CTBS: variants seen among roughly 807,000 people sequenced by gnomAD.
CTBS encodes the protein di-N-acetylchitobiase.
In CTBS, 35 loss-of-function variants were observed where a neutral mutation model predicts 44.3. The observed-to-expected ratio is 0.79, with a 90% CI of 0.60 to 1.05. The LOEUF is 1.05. CTBS is among the 50% of genes least tolerant of loss of function. The probability of loss-of-function intolerance (pLI) is 0.00; values close to 1 mark genes in which losing one functional copy is unlikely to be tolerated. For synonymous variants in CTBS, 143 were observed against 168.0 expected (o/e 0.85, Z 1.15); for missense variants, 458 against 475.3 (o/e 0.96, Z 0.34).
At chr1:84,570,242 C>G (rs764630159) in intron 2 of CTBS, 103 bp from the exon 3 acceptor site, 1 of 879,184 alleles carries the variant, frequency 1.1e-6, no homozygotes. Context: ...AAAGAATATA[C>G]CAAAGTAACA....
Position 84,563,379 on chromosome 1 carries a change from C to T in CTBS, c.835G>A (p.Ala279Thr). 1 of 1,578,404 alleles carries T rather than the reference C, an allele frequency of 6.3e-7. No individual in the cohort carries two copies. The highest frequency in any genetic ancestry group is 8.6e-7 in the Non-Finnish European group (1 of 1,164,162). The stretch of plus-strand genomic sequence containing the variant: ...CGTCCTGCAGCGTCACTACAAGGAG[C>T]CCCCCGGAAAGGGACTTTTGCAATG... ...CTIAKVPFRG[A>T]PCSDAAGRQV... The change falls in exon 6 of 7, where the codon GCT becomes ACT. Residue 279 changes from alanine (A) to threonine (T), a missense_variant. Ala to Thr is a moderately conservative substitution (Grantham distance 58, BLOSUM62 0). Transcript: ENST00000370630.
intron 6 of CTBS, 33 bp downstream of exon 6, chr1:84,563,219 TAATAG>T: frequency 7.7e-7 from 1 of 1,305,650 alleles, no homozygotes; most frequent in Non-Finnish European, 1.0e-6. Flanking sequence ...TTACAAAAAC[TAATAG>T]AATAAATGCT....
In CTBS at chr1:84,565,940, C is replaced by T. The variant is rs761830536; in HGVS notation, c.598G>A (p.Ala200Thr). 6.2e-7 allele frequency: 1 copy of T among 1,601,496 alleles called. No homozygotes were observed. The highest frequency in any genetic ancestry group is 1.7e-5 in the Admixed American group (1 of 58,156). Reference sequence around the variant, plus strand: ...GACATCACAAAGAGGAAGTCACAAGCATCTGCGATTCCAGTATAATTATAG... The same window carrying T: ...GACATCACAAAGAGGAAGTCACAAGTATCTGCGATTCCAGTATAATTATAG... Reference protein sequence around the residue: ...RCYNYTGIADACDFLFVMSYD... With the variant: ...RCYNYTGIADTCDFLFVMSYD... Residue 200 changes from alanine to threonine, a missense_variant, in exon 4 of 7, where the codon GCT becomes ACT. Coordinates refer to ENST00000370630, the MANE Select transcript of CTBS (RefSeq NM_004388.3).
chr1:84,555,251 A>G, intron 6 of CTBS, 52 bp from the exon 7 acceptor site: 1 of 1,389,274 alleles, frequency 7.2e-7, no homozygotes, highest in Non-Finnish European at 9.9e-7. Context: ...ACAATTCAGC[A>G]CCACAGGAAA....
rs1202463614 is a variant in CTBS, at chr1:84,574,371, C to T, written c.45G>A (p.Pro15=). ...GCGCTAGACCCGGGACGCCGCTCGG[C>T]GGGCTAGAGACGAGGCGCCAGCGTC... ...QLRRWRLVSS[P]PSGVPGLALL... Residue 15 remains proline (P), a synonymous_variant, in exon 1 of 7, where the codon CCG becomes CCA. Transcript: ENST00000370630. 6.4e-7 allele frequency: 1 copy of T among 1,567,330 alleles called. No individual in the cohort carries two copies. The highest frequency in any genetic ancestry group is 8.6e-7 in the Non-Finnish European group (1 of 1,156,758).
At chr1:84,557,258 C>T (rs1445448690) in intron 6 of CTBS, among the ~76,000 whole-genome samples, 11 of 152,088 alleles carry the variant, frequency 7.2e-5, no homozygotes, top group Admixed American at 6.5e-4. Flanking sequence ...GGGGGCCAGG[C>T]GCGATGGCTT....
Position 84,551,862 on chromosome 1 carries a change from GC to G in CTBS, c.*3136del, listed in dbSNP as rs1684283321. ...GTAGGTAGGAAGGAGTAATAAAAAT[GC>G]CCCCAGAGGCTTGGATTATGACTCC... On this transcript the variant is annotated 3_prime_UTR_variant, in exon 7 of 7. Transcript: ENST00000370630. 1 of 152,088 alleles carries G rather than the reference GC, an allele frequency of 6.6e-6. No individual in the cohort carries two copies. Among genetic ancestry groups the G allele is most frequent in the African/African-American group, 2.4e-5 (1 of 41,432 alleles). 9.4% of individuals were successfully genotyped at this position (152,088 alleles called of 1,614,324 possible).
At chr1:84,564,015 A>C in intron 4 of CTBS, 183 bp from the exon 5 acceptor site, 1 of 296,454 alleles carries the variant, frequency 3.4e-6, no homozygotes, top group Non-Finnish European at 5.0e-6. Flanking sequence ...TGCTTTCTAA[A>C]CCATTTCTCT....
At chr1:84,567,673 C>T (rs1353199356) in intron 3 of CTBS, among the ~76,000 whole-genome samples, 1 of 152,170 alleles carries the variant, frequency 6.6e-6, no homozygotes, top group Non-Finnish European at 1.5e-5. Context: ...CTCATTCCCC[C>T]CTCTAGATTA....
Position 84,555,210 on chromosome 1 carries a change from A to G in CTBS, c.958-11T>C. On this transcript the variant is annotated splice_polypyrimidine_tract_variant and intron_variant, in intron 6 of 6. Coordinates refer to ENST00000370630, the MANE Select transcript of CTBS (RefSeq NM_004388.3). ...GTGGCCAGCAGGATCCTATATAAAT[A>G]AATTAAAATGGAGATTTTAAAGTAT... 3 of 1,589,192 alleles carry G rather than the reference A, an allele frequency of 1.9e-6. No individual in the cohort carries two copies. Among genetic ancestry groups the G allele is most frequent in the Non-Finnish European group, 2.6e-6 (3 of 1,162,882 alleles).
intron 6 of CTBS, 21 bp downstream of exon 6, chr1:84,563,236 A>G (rs1266222439): frequency 7.0e-7 from 1 of 1,423,432 alleles, no homozygotes; most frequent in Non-Finnish European, 9.3e-7. Context: ...ATAAATGCTC[A>G]TAACTTACGA....
In CTBS at chr1:84,550,639, G is replaced by T. The variant is rs1684242228; in HGVS notation, c.*4360C>A. On this transcript the variant is annotated 3_prime_UTR_variant, in exon 7 of 7. Transcript: ENST00000370630. The stretch of plus-strand genomic sequence containing the variant: ...AATATAAGGGTAGCCAGGATTGACT[G>T]TATTAAAATTGTTACCTTAACAGTA... 3 of 1,267,284 alleles carry T rather than the reference G, an allele frequency of 2.4e-6. No individual in the cohort carries two copies. Among genetic ancestry groups the T allele is most frequent in the Non-Finnish European group, 3.0e-6 (3 of 998,232 alleles). 78.5% of individuals were successfully genotyped at this position (1,267,284 alleles called of 1,614,324 possible).
chr1:84,556,943 T>C (rs969282687), intron 6 of CTBS, among the ~76,000 whole-genome samples: 1 of 152,192 alleles, frequency 6.6e-6, no homozygotes, highest in African/African-American at 2.4e-5. Context: ...ATATGACAGA[T>C]TATTGAAGAT....
At chr1:84,558,729 C>T (rs1053638065) in intron 6 of CTBS, among the ~76,000 whole-genome samples, 5 of 151,712 alleles carry the variant, frequency 3.3e-5, no homozygotes, top group Admixed American at 2.6e-4. Flanking sequence ...AGAAAGACCC[C>T]GTCTCTACAA....
At chr1:84,557,872 G>A (rs12404397) in intron 6 of CTBS, among the ~76,000 whole-genome samples, 1,666 of 147,376 alleles carry the variant, frequency 0.011, 93 homozygotes, top group Admixed American at 0.096. Flanking sequence ...AAAAAAAAAA[G>A]AGGAAGGAAA....
At chr1:84,556,844 T>C (rs1489429768) in intron 6 of CTBS, among the ~76,000 whole-genome samples, 1 of 152,184 alleles carries the variant, frequency 6.6e-6, no homozygotes, top group Non-Finnish European at 1.5e-5. Context: ...TTCCATTCTT[T>C]AACATTTTTA....
At position 84,574,396 on chromosome 1, in the gene CTBS, C is replaced by G. The variant is rs530177467; in HGVS notation, c.20G>C (p.Arg7Pro). The G allele has an allele frequency of 1.9e-6, 3 of 1,556,318 alleles. No homozygotes were observed. Among genetic ancestry groups the G allele is most frequent in the South Asian group, 2.4e-5 (2 of 84,890 alleles). ...CGGGCTAGAGACGAGGCGCCAGCGTCGAAGCTGCGGCCGGGACATAGCAGC... is the reference window on the plus strand; with the variant it reads ...CGGGCTAGAGACGAGGCGCCAGCGTGGAAGCTGCGGCCGGGACATAGCAGC... MSRPQL[R>P]RWRLVSSPPS... The change falls in exon 1 of 7, where the codon CGA (arginine) becomes CCA (proline). Residue 7 changes from arginine (R) to proline (P), a missense_variant. Physicochemically the swap from Arg to Pro is moderately radical, Grantham distance 103. Transcript: ENST00000370630.
At chr1:84,566,768 G>A (rs1184393686) in intron 3 of CTBS, among the ~76,000 whole-genome samples, 3 of 152,168 alleles carry the variant, frequency 2.0e-5, no homozygotes, top group African/African-American at 7.2e-5. Flanking sequence ...ACATAGCTGG[G>A]ATTACAGGCA....
rs1373529822 is a variant in CTBS, at chr1:84,551,224, CG to C, written c.*3774del. 1 of 984,902 alleles carries C rather than the reference CG, an allele frequency of 1.0e-6. No homozygotes were observed. Among genetic ancestry groups the C allele is most frequent in the East Asian group, 1.1e-4 (1 of 8,816 alleles). The allele number at this position is 984,902 out of a possible 1,614,324, so 61.0% of individuals were successfully genotyped here. Reference sequence around the variant, plus strand: ...CCACAGCAAGGCAGGAAAATGAGAACGATAATTATATGAATGCTCTCATTTC... The same window carrying C: ...CCACAGCAAGGCAGGAAAATGAGAACATAATTATATGAATGCTCTCATTTC... On this transcript the variant is annotated 3_prime_UTR_variant, in exon 7 of 7. Coordinates refer to ENST00000370630, the MANE Select transcript of CTBS (RefSeq NM_004388.3).
Sources: allele counts gnomAD v4.1 joint callset (sites outside exome capture counted in the v4.1 genomes callset), GRCh38; gene constraint gnomAD v4.1.1; transcripts MANE v1.5; gene names NCBI Gene and HGNC (gene_info 2026-07-23, HGNC 2026-07-21).